The following BRF1 variants were observed in gnomAD, a reference collection of about 807,000 sequenced individuals.
BRF1 encodes the protein transcription factor IIIB 90 kDa subunit.
In BRF1, 59 loss-of-function variants were observed where a neutral mutation model predicts 81.7. The observed-to-expected ratio is 0.72, with a 90% CI of 0.59 to 0.90. BRF1 has a LOEUF of 0.90. BRF1 is among the 40% of genes least tolerant of loss of function. The probability of loss-of-function intolerance (pLI) is 0.00; values close to 1 mark genes in which losing one functional copy is unlikely to be tolerated. For missense variants in BRF1, 1,050 were observed against 936.3 expected, an observed-to-expected ratio of 1.12 and a Z score of -1.58; for synonymous variants, 491 against 395.6, an observed-to-expected ratio of 1.24 and a Z score of -2.86.
chr14:105,300,543 G>C lies in BRF1; in HGVS notation c.87C>G (p.Gly29=). 2 of 1,525,020 alleles carry C rather than the reference G, an allele frequency of 1.3e-6. No homozygotes were observed. The highest frequency in any genetic ancestry group is 1.8e-6 in the Non-Finnish European group (2 of 1,139,864). 94.5% of individuals were successfully genotyped at this position (1,525,020 alleles called of 1,614,324 possible). The change falls in exon 1 of 18, where the codon GGC becomes GGG. Residue 29 remains glycine (G), a synonymous_variant. Transcript: ENST00000547530. The part of the protein sequence containing the change: ...ARGDAVCTAC[G]SVLEDNIIVS... ...CGATGATGTTGTCCTCCAGCACTGA[G>C]CCGCAGGCGGTGCACACCGCGTCCC...
chr14:105,303,264 G>A (rs1317899524), upstream of BRF1, among the ~76,000 whole-genome samples: 1 of 151,050 alleles, frequency 6.6e-6, no homozygotes, highest in Non-Finnish European at 1.5e-5. Context: ...TGTTTTTTGA[G>A]GTGGAGTCTC....
In BRF1 at chr14:105,226,496, C is replaced by G; in HGVS notation, c.915+138G>C. Reference sequence around the variant, plus strand: ...GTGAGGGGCATCCCGGAGCCTCGGGCTCTGGCTGGTCATAGCACTGAAGAG... The same window carrying G: ...GTGAGGGGCATCCCGGAGCCTCGGGGTCTGGCTGGTCATAGCACTGAAGAG... On this transcript the variant is annotated intron_variant, in intron 8 of 17. Coordinates refer to ENST00000547530, the MANE Select transcript of BRF1 (RefSeq NM_001519.4). The G allele has an allele frequency of 4.0e-6, 6 of 1,510,708 alleles. No individual in the cohort carries two copies. The South Asian group carries it at 7.5e-5, about 19-fold the overall frequency. The allele number at this position is 1,510,708 out of a possible 1,614,324, so 93.6% of individuals were successfully genotyped here.
intron 4 of BRF1, among the ~76,000 whole-genome samples, chr14:105,254,828 C>T (rs1309805611): frequency 1.3e-5 from 2 of 152,144 alleles, no homozygotes; most frequent in African/African-American, 2.4e-5. Context: ...TCCCAAAGTG[C>T]GGGGATTACA....
At chr14:105,221,342 G>A (rs955899012) in intron 11 of BRF1, among the ~76,000 whole-genome samples, 1 of 152,226 alleles carries the variant, frequency 6.6e-6, no homozygotes, top group African/African-American at 2.4e-5. Context: ...GCTGCCCCAT[G>A]GGACTCCTGG....
intron 5 of BRF1, among the ~76,000 whole-genome samples, chr14:105,243,118 A>AAAAC (rs982064059): frequency 1.0e-4 from 15 of 149,536 alleles, no homozygotes; most frequent in East Asian, 8.0e-4. Flanking sequence ...TCTGTCTCAA[A>AAAAC]AAACAAACAA....
intron 1 of BRF1, among the ~76,000 whole-genome samples, chr14:105,298,177 T>A (rs2057817358): frequency 6.6e-6 from 1 of 152,110 alleles, no homozygotes; most frequent in African/African-American, 2.4e-5. Flanking sequence ...TCCAAAACAC[T>A]TCTGGTCCCA....
intron 12 of BRF1, 107 bp downstream of exon 12, chr14:105,219,962 G>A: frequency 8.1e-7 from 1 of 1,235,728 alleles, no homozygotes; most frequent in Non-Finnish European, 1.2e-6. Flanking sequence ...CAGCGGGGTG[G>A]GCTCTGGGCA....
chr14:105,221,337 C>G (rs1892253701), intron 11 of BRF1, among the ~76,000 whole-genome samples: 1 of 152,190 alleles, frequency 6.6e-6, no homozygotes, highest in Admixed American at 6.5e-5. Context: ...GTGGAGCTGC[C>G]CCATGGGACT....
intron 5 of BRF1, among the ~76,000 whole-genome samples, chr14:105,245,071 G>C (rs587711137): frequency 4.0e-4 from 61 of 152,266 alleles, no homozygotes; most frequent in African/African-American, 1.3e-3. Context: ...ATTTAAGGCA[G>C]CAATGGGTCA....
intron 1 of BRF1, 98 bp downstream of exon 1, chr14:105,300,348 T>C: frequency 1.6e-6 from 2 of 1,284,526 alleles, no homozygotes; most frequent in Non-Finnish European, 2.0e-6. Context: ...CGACAGAGCG[T>C]GCGGTACCGA....
In BRF1 at chr14:105,210,431, C is replaced by G; in HGVS notation, c.*120G>C. On this transcript the variant is annotated 3_prime_UTR_variant, in exon 18 of 18. Coordinates refer to ENST00000547530, the MANE Select transcript of BRF1 (RefSeq NM_001519.4). The surrounding 1 kb of genome is among the most constrained non-coding windows in gnomAD (Gnocchi z 4.7). ...TGGGACGAGGGCTGTGGGACAGGTG[C>G]CACCTGTCACCAGGAGTCTCGGCGC... The G allele has an allele frequency of 9.2e-7, 1 of 1,088,068 alleles. No homozygotes were observed. The highest frequency in any genetic ancestry group is 2.6e-5 in the East Asian group (1 of 39,036). The allele number at this position is 1,088,068 out of a possible 1,614,324, so 67.4% of individuals were successfully genotyped here.
At position 105,293,275 on chromosome 14, in the gene BRF1, C is replaced by G. The variant is rs907138493; in HGVS notation, c.185-6899G>C. ...CACCCATGTCCCCCTCCAGGGCCAGCGCCAGGTGACATGCAGCCATGTCAC... is the reference window on the plus strand; with the variant it reads ...CACCCATGTCCCCCTCCAGGGCCAGGGCCAGGTGACATGCAGCCATGTCAC... On this transcript the variant is annotated intron_variant, in intron 1 of 17. Coordinates refer to ENST00000547530, the MANE Select transcript of BRF1 (RefSeq NM_001519.4). Among the ~76,000 whole-genome samples, 4 of 152,208 alleles carry G rather than the reference C, an allele frequency of 2.6e-5. No homozygotes were observed. In the East Asian group the frequency reaches 5.8e-4, roughly 22 times the overall value.
chr14:105,247,155 A>G, intron 5 of BRF1: 2 of 985,476 alleles, frequency 2.0e-6, no homozygotes, highest in Non-Finnish European at 2.4e-6. Context: ...CCACACTATG[A>G]AATCGCAGCT....
intron 5 of BRF1, chr14:105,250,053 T>G: frequency 6.2e-7 from 1 of 1,612,994 alleles, no homozygotes; most frequent in Non-Finnish European, 8.5e-7. Context: ...GGGCGAGCCC[T>G]CTATCTGGTC....
Position 105,226,172 on chromosome 14 carries a change from A to T in BRF1, c.956-11T>A. ...AACTGGATATTTCACCTGAAGTCAT[A>T]AGTTAAAAGCAAAAAGTCAGCATAA... On this transcript the variant is annotated splice_polypyrimidine_tract_variant and intron_variant, in intron 9 of 17. Coordinates refer to ENST00000547530, the MANE Select transcript of BRF1 (RefSeq NM_001519.4). 3 of 1,614,002 alleles carry T rather than the reference A, an allele frequency of 1.9e-6. No individual in the cohort carries two copies. The highest frequency in any genetic ancestry group is 2.5e-6 in the Non-Finnish European group (3 of 1,179,998).
At chr14:105,267,151 A>C (rs1035535082) in intron 3 of BRF1, among the ~76,000 whole-genome samples, 2 of 152,062 alleles carry the variant, frequency 1.3e-5, no homozygotes, top group African/African-American at 4.8e-5. Context: ...CGACAATTGA[A>C]TTTGGTAGGA....
At chr14:105,220,246 G>A (rs1892061326) in intron 11 of BRF1, 116 bp from the exon 12 acceptor site, 5 of 1,154,344 alleles carry the variant, frequency 4.3e-6, no homozygotes, top group Non-Finnish European at 6.3e-6. Flanking sequence ...CTAGAACCCC[G>A]TCCCCTCCTC....
rs1054703721 is a variant in BRF1, at chr14:105,309,007, A to G, written c.-162+6315T>C. On this transcript the variant is annotated intron_variant, in intron 1 of 17. Transcript: ENST00000327359. The surrounding 1 kb of genome is among the most constrained non-coding windows in gnomAD (Gnocchi z 4.0). ...AAGAAAAAAAAAGAAAAAGACAAAC[A>G]AAACCTAACAAAACCAGAAATCCAT... Among the ~76,000 whole-genome samples the G allele has an allele frequency of 2.0e-5, 3 of 151,882 alleles. No homozygotes were observed. Among genetic ancestry groups the G allele is most frequent in the African/African-American group, 7.3e-5 (3 of 41,276 alleles).
intron 2 of BRF1, 103 bp from the exon 3 acceptor site, chr14:105,272,997 T>C: frequency 7.6e-7 from 1 of 1,314,078 alleles, no homozygotes; most frequent in Non-Finnish European, 1.0e-6. Context: ...TTTGTGCTTT[T>C]CCTTGTAAGT....
Sources: allele counts gnomAD v4.1 joint callset (sites outside exome capture counted in the v4.1 genomes callset), GRCh38; gene constraint gnomAD v4.1.1; non-coding constraint Gnocchi (gnomAD v3.1); transcripts MANE v1.5; gene names NCBI Gene and HGNC (gene_info 2026-07-23, HGNC 2026-07-21).